GC: variants seen among roughly 807,000 people sequenced by gnomAD.
GC encodes the protein vitamin D-binding protein.
In GC, 43 loss-of-function variants were observed where a neutral mutation model predicts 56.7. That is an observed-to-expected ratio of 0.76 (90% CI 0.59 to 0.98). The LOEUF (loss-of-function observed/expected upper bound fraction) is 0.98, where lower values mean the gene tolerates loss of function less well. Among genes scored for constraint, GC ranks in the 50% least tolerant of loss-of-function variants. GC has a pLI of 0.00. For synonymous variants in GC, 216 were observed against 202.7 expected, an observed-to-expected ratio of 1.07 and a Z score of -0.56; for missense variants, 529 against 545.9, an observed-to-expected ratio of 0.97 and a Z score of 0.31.
intron 10 of GC, 31 bp downstream of exon 10, chr4:71,754,378 ATT>A: frequency 1.0e-6 from 1 of 961,724 alleles, no homozygotes; most frequent in Non-Finnish European, 1.6e-6. Flanking sequence ...TTATTGATAA[ATT>A]TGGAGGATAC....
upstream of GC, among the ~76,000 whole-genome samples, chr4:71,786,368 TTACTC>T (rs1742835277): frequency 6.6e-6 from 1 of 151,822 alleles, no homozygotes; most frequent in Non-Finnish European, 1.5e-5. Flanking sequence ...GTGACAATGA[TTACTC>T]TAGTAAGTCA....
At chr4:71,774,374 A>G (rs1467099920) in intron 1 of GC, among the ~76,000 whole-genome samples, 1 of 152,060 alleles carries the variant, frequency 6.6e-6, no homozygotes, top group Non-Finnish European at 1.5e-5. Flanking sequence ...CTCGGGTGGT[A>G]GCCTGTCCTT....
chr4:71,767,771 T>C (rs2149301547), intron 3 of GC, among the ~76,000 whole-genome samples: 1 of 152,086 alleles, frequency 6.6e-6, no homozygotes, highest in Middle Eastern at 3.4e-3. Context: ...ACCGGAGCCG[T>C]GTACAGTGTA....
chr4:71,795,944 G>T (rs929528455), intron 1 of GC, among the ~76,000 whole-genome samples: 2 of 152,150 alleles, frequency 1.3e-5, no homozygotes, highest in African/African-American at 4.8e-5. Flanking sequence ...ATGAAATTCT[G>T]GGTTGACAAT....
chr4:71,756,898 A>G lies in GC; in HGVS notation c.848T>C (p.Val283Ala), dbSNP rs1741794914. 1.2e-6 allele frequency: 2 copies of G among 1,611,850 alleles called. No homozygotes were observed. Among genetic ancestry groups the G allele is most frequent in the Non-Finnish European group, 1.7e-6 (2 of 1,177,918 alleles). Residue 283 changes from valine (V) to alanine (A), a missense_variant, in exon 8 of 13, where the codon GTA becomes GCA. Coordinates refer to ENST00000273951, the MANE Select transcript of GC (RefSeq NM_000583.4). ...CMAKELPEHT[V>A]KLCDNLSTKN... ...TGTGGATAAATTGTCACAGAGTTTT[A>G]CTGTGTGTTCAGGCAGCTACAAAAC...
chr4:71,794,732 T>G lies in GC; in HGVS notation c.21+9194A>C, dbSNP rs112386413. On this transcript the variant is annotated intron_variant, in intron 1 of 13. Coordinates refer to the GC transcript ENST00000504199. Reference sequence around the variant, plus strand: ...ATTTGTTTGCTCTTGCTTCTCTAGTTCTTTCCATTGTGATATTAGGGTGTT... The same window carrying G: ...ATTTGTTTGCTCTTGCTTCTCTAGTGCTTTCCATTGTGATATTAGGGTGTT... Among the ~76,000 whole-genome samples the G allele has an allele frequency of 1.7e-4, 26 of 152,324 alleles. 2 individuals carry two copies. The highest frequency in any genetic ancestry group is 6.3e-4 in the African/African-American group (26 of 41,590).
At chr4:71,746,623 T>G (rs1741374472) in intron 11 of GC, among the ~76,000 whole-genome samples, 1 of 151,650 alleles carries the variant, frequency 6.6e-6, no homozygotes, top group Admixed American at 6.6e-5. Context: ...GGTGGAGTCA[T>G]TATGTGCAAA....
At chr4:71,762,416 C>T (rs550033264) in intron 6 of GC, among the ~76,000 whole-genome samples, 2 of 152,268 alleles carry the variant, frequency 1.3e-5, no homozygotes, top group East Asian at 1.9e-4. Context: ...GCAGAAGGGA[C>T]TTGCCTTGTC....
intron 12 of GC, among the ~76,000 whole-genome samples, chr4:71,744,862 C>T (rs1464072179): frequency 1.3e-5 from 2 of 152,144 alleles, no homozygotes. Context: ...CAACAGAGAT[C>T]AGAAACTATT....
intron 10 of GC, among the ~76,000 whole-genome samples, chr4:71,753,461 G>A (rs1270649189): frequency 1.3e-5 from 2 of 149,206 alleles, no homozygotes; most frequent in East Asian, 2.0e-4. Context: ...GTGCAAATGA[G>A]GCAAGAAGAG....
chr4:71,741,826 G>A lies in GC; in HGVS notation c.*70C>T. The A allele has an allele frequency of 2.8e-6, 2 of 702,958 alleles. No individual in the cohort carries two copies. Among genetic ancestry groups the A allele is most frequent in the Non-Finnish European group, 2.6e-6 (1 of 384,982 alleles). The allele number at this position is 702,958 out of a possible 1,614,324, so 43.5% of individuals were successfully genotyped here. On this transcript the variant is annotated 3_prime_UTR_variant, in exon 13 of 13. Coordinates refer to ENST00000273951, the MANE Select transcript of GC (RefSeq NM_000583.4). ...CCAGAAGCTCAGTGGTTTTGCTTAGGTTAGGTCATCAGAGATCATTCCCCT... is the reference window on the plus strand; with the variant it reads ...CCAGAAGCTCAGTGGTTTTGCTTAGATTAGGTCATCAGAGATCATTCCCCT...
chr4:71,765,092 C>A (rs567469821), intron 4 of GC, among the ~76,000 whole-genome samples: 111 of 152,180 alleles, frequency 7.3e-4, no homozygotes, highest in Non-Finnish European at 1.4e-3. Flanking sequence ...AAAATTGCTT[C>A]TATCATATGA....
chr4:71,797,572 T>A (rs1578326104), intron 1 of GC, among the ~76,000 whole-genome samples: 2 of 152,336 alleles, frequency 1.3e-5, no homozygotes, highest in Non-Finnish European at 2.9e-5. Context: ...AGGTACATTC[T>A]GTCACGGCTT....
chr4:71,775,786 G>A (rs968764841), intron 1 of GC, among the ~76,000 whole-genome samples: 3 of 151,918 alleles, frequency 2.0e-5, no homozygotes, highest in African/African-American at 7.2e-5. Context: ...AAATATGTAA[G>A]GAACTCAAAC....
chr4:71,757,552 G>T (rs528209080), intron 7 of GC, among the ~76,000 whole-genome samples: 2 of 151,858 alleles, frequency 1.3e-5, no homozygotes, highest in African/African-American at 4.8e-5. Context: ...CAGTAGTAGC[G>T]TCTACTAGTA....
chr4:71,790,142 T>C (rs1271389738), intron 1 of GC, among the ~76,000 whole-genome samples: 2 of 152,034 alleles, frequency 1.3e-5, no homozygotes, highest in Admixed American at 1.3e-4. Context: ...TGATAATACT[T>C]TGTCTCGAAA....
chr4:71,799,103 T>C (rs1448044321), intron 1 of GC, among the ~76,000 whole-genome samples: 2 of 152,168 alleles, frequency 1.3e-5, no homozygotes, highest in African/African-American at 2.4e-5. Context: ...CATGGACTTA[T>C]TCTATAGTGA....
At chr4:71,750,804 G>A (rs2149294175) in intron 11 of GC, among the ~76,000 whole-genome samples, 1 of 152,200 alleles carries the variant, frequency 6.6e-6, no homozygotes, top group African/African-American at 2.4e-5. Flanking sequence ...AGAATCACTT[G>A]ATCCCAGGAG....
intron 11 of GC, among the ~76,000 whole-genome samples, chr4:71,747,950 G>A (rs1372729963): frequency 6.6e-6 from 1 of 152,094 alleles, no homozygotes; most frequent in Non-Finnish European, 1.5e-5. Flanking sequence ...AATAATTTTG[G>A]ATTTTCAGTC....
Sources: gnomAD v4.1 joint callset for allele counts (sites outside exome capture counted in the v4.1 genomes callset) on GRCh38, gnomAD v4.1.1 for gene constraint, MANE v1.5 for transcripts, NCBI Gene and HGNC (gene_info 2026-07-23, HGNC 2026-07-21) for gene names.